CLEC9A: variants seen among roughly 807,000 people sequenced by gnomAD.
CLEC9A encodes the protein C-type lectin domain family 9 member A.
CLEC9A carries 24 observed loss-of-function variants against 30.0 expected under a neutral mutation model. The ratio of observed to expected loss-of-function variants is 0.80; its 90% CI spans 0.58 to 1.13. The LOEUF (loss-of-function observed/expected upper bound fraction) is 1.13, where lower values mean the gene tolerates loss of function less well. Among genes scored for constraint, CLEC9A ranks in the 50% most tolerant of loss-of-function variants. The probability of loss-of-function intolerance (pLI) is 0.00; values close to 1 mark genes in which losing one functional copy is unlikely to be tolerated. For missense variants in CLEC9A, 251 were observed against 280.9 expected (o/e 0.89, Z 0.76); for synonymous variants, 111 against 96.8 (o/e 1.15, Z -0.86).
At position 10,065,634 on chromosome 12, in the gene CLEC9A, A is replaced by G; in HGVS notation, c.*2A>G. 6.2e-7 allele frequency: 1 copy of G among 1,613,644 alleles called. No homozygotes were observed. Among genetic ancestry groups the G allele is most frequent in the Non-Finnish European group, 8.5e-7 (1 of 1,179,702 alleles). On this transcript the variant is annotated 3_prime_UTR_variant, in exon 9 of 9. Transcript: ENST00000355819. ...TATGCGTTGAGATCCTCTGTCTGAAAGAAATTGTGTTCAAAGTGTTCTATT... is the reference window on the plus strand; with the variant it reads ...TATGCGTTGAGATCCTCTGTCTGAAGGAAATTGTGTTCAAAGTGTTCTATT...
chr12:10,038,900 T>G (rs1340947984), intron 1 of CLEC9A, among the ~76,000 whole-genome samples: 1 of 152,186 alleles, frequency 6.6e-6, no homozygotes, highest in Non-Finnish European at 1.5e-5. Flanking sequence ...TATTTCAGCT[T>G]GGAGAGGTAA....
intron 1 of CLEC9A, among the ~76,000 whole-genome samples, chr12:10,034,917 T>C (rs1865731089): frequency 6.6e-6 from 1 of 152,226 alleles, no homozygotes; most frequent in African/African-American, 2.4e-5. Flanking sequence ...GCTTTCTGCA[T>C]CCCAGGGTTC....
chr12:10,043,674 A>G (rs376614124), intron 2 of CLEC9A, among the ~76,000 whole-genome samples: 8 of 52,382 alleles, frequency 1.5e-4, no homozygotes, highest in East Asian at 2.0e-3. Flanking sequence ...ATATATGTAT[A>G]TATATATATA....
intron 2 of CLEC9A, among the ~76,000 whole-genome samples, chr12:10,043,968 C>T (rs921057308): frequency 2.8e-4 from 43 of 152,192 alleles, no homozygotes; most frequent in African/African-American, 9.1e-4. Flanking sequence ...CATAAGCCAC[C>T]GCGCCTGGCC....
intron 2 of CLEC9A, among the ~76,000 whole-genome samples, chr12:10,047,679 T>G (rs1349916959): frequency 9.2e-5 from 14 of 152,212 alleles, no homozygotes; most frequent in Admixed American, 8.5e-4. Context: ...ATTATTTGGC[T>G]TCCTAATGCA....
chr12:10,044,535 G>A (rs1233466144), intron 2 of CLEC9A, among the ~76,000 whole-genome samples: 4 of 151,914 alleles, frequency 2.6e-5, no homozygotes, highest in South Asian at 2.1e-4. Flanking sequence ...TTTATCTCAA[G>A]ACTTTTGCAT....
At chr12:10,041,982 T>C (rs1741681934) in intron 2 of CLEC9A, among the ~76,000 whole-genome samples, 1 of 152,322 alleles carries the variant, frequency 6.6e-6, no homozygotes. Context: ...ACAGGAGATA[T>C]CCAGTTAAAT....
intron 5 of CLEC9A, 85 bp downstream of exon 5, chr12:10,054,436 T>A: frequency 4.7e-6 from 4 of 851,490 alleles, no homozygotes; most frequent in Non-Finnish European, 7.4e-6. Context: ...AATCAATTCA[T>A]ATGTGAATGC....
At chr12:10,057,806 A>G (rs1034854543) in intron 5 of CLEC9A, among the ~76,000 whole-genome samples, 1 of 151,922 alleles carries the variant, frequency 6.6e-6, no homozygotes, top group African/African-American at 2.4e-5. Context: ...ACTATTTCAC[A>G]TTTTCTAATT....
intron 6 of CLEC9A, 134 bp downstream of exon 6, chr12:10,061,407 A>T: frequency 1.2e-6 from 1 of 834,652 alleles, no homozygotes; most frequent in Non-Finnish European, 1.7e-6. Context: ...AATTTTGGTC[A>T]CTCTTCAGTT....
chr12:10,047,007 A>G (rs935589241), intron 2 of CLEC9A, among the ~76,000 whole-genome samples: 2 of 152,204 alleles, frequency 1.3e-5, no homozygotes, highest in African/African-American at 2.4e-5. Context: ...TACATACTCA[A>G]TAAGTGTGTT....
At chr12:10,053,051 TACA>T (rs1441665251) in intron 4 of CLEC9A, among the ~76,000 whole-genome samples, 1 of 152,114 alleles carries the variant, frequency 6.6e-6, no homozygotes, top group Non-Finnish European at 1.5e-5. Context: ...GTGAAAAAAA[TACA>T]ACTTCAATTA....
intron 6 of CLEC9A, among the ~76,000 whole-genome samples, chr12:10,062,797 A>G (rs143685649): frequency 1.9e-4 from 29 of 152,362 alleles, no homozygotes; most frequent in African/African-American, 6.0e-4. Context: ...AGATTATTAT[A>G]GAAGAGAAAA....
At chr12:10,038,917 T>C (rs1374787116) in intron 1 of CLEC9A, among the ~76,000 whole-genome samples, 5 of 152,210 alleles carry the variant, frequency 3.3e-5, no homozygotes, top group South Asian at 4.1e-4. Context: ...GTAAAGTCCA[T>C]TGGGGATGAG....
chr12:10,047,211 TTA>T (rs1419256457), intron 2 of CLEC9A, among the ~76,000 whole-genome samples: 1 of 152,230 alleles, frequency 6.6e-6, no homozygotes, highest in Non-Finnish European at 1.5e-5. Flanking sequence ...TTTTAACTGT[TTA>T]TTTAGAGAAA....
intron 2 of CLEC9A, among the ~76,000 whole-genome samples, chr12:10,049,545 G>T (rs1041733981): frequency 6.6e-6 from 1 of 152,298 alleles, no homozygotes; most frequent in East Asian, 1.9e-4. Flanking sequence ...ACATTCTCCA[G>T]TTTCTAAATC....
chr12:10,063,512 A>G (rs1866015407), intron 7 of CLEC9A, among the ~76,000 whole-genome samples: 1 of 152,212 alleles, frequency 6.6e-6, no homozygotes, highest in African/African-American at 2.4e-5. Context: ...ACTTCAAGAT[A>G]TACATATATT....
intron 2 of CLEC9A, chr12:10,045,611 G>A: frequency 3.7e-6 from 1 of 269,442 alleles, no homozygotes; most frequent in South Asian, 5.1e-5. Flanking sequence ...GCATGGCCAA[G>A]GTGGACCAGC....
In CLEC9A at chr12:10,038,181, G is replaced by T. The variant is rs151337838; in HGVS notation, c.-317-3285G>T. Among the ~76,000 whole-genome samples, 769 of 152,220 alleles carry T rather than the reference G, an allele frequency of 5.1e-3. 13 individuals are homozygous for T. Among genetic ancestry groups the T allele is most frequent in the African/African-American group, 0.018 (732 of 41,524 alleles). ...ATTTGTAGTACTTTTAAATAATTCAGCATTTCTTGGAAATGAGCTTTTATT... is the reference window on the plus strand; with the variant it reads ...ATTTGTAGTACTTTTAAATAATTCATCATTTCTTGGAAATGAGCTTTTATT... On this transcript the variant is annotated intron_variant, in intron 1 of 8. Transcript: ENST00000355819.
Sources: allele counts gnomAD v4.1 joint callset (sites outside exome capture counted in the v4.1 genomes callset), GRCh38; gene constraint gnomAD v4.1.1; transcripts MANE v1.5; gene names NCBI Gene and HGNC (gene_info 2026-07-23, HGNC 2026-07-21).